The following FILIP1 variants were observed in gnomAD, a reference collection of about 807,000 sequenced individuals.
The protein encoded by FILIP1 is filamin-A-interacting protein 1.
FILIP1 carries 61 observed loss-of-function variants against 102.1 expected under a neutral mutation model. The ratio of observed to expected loss-of-function variants is 0.60; its 90% confidence interval spans 0.49 to 0.74. The LOEUF is 0.74. FILIP1 is among the 30% of genes least tolerant of loss of function. The probability of loss-of-function intolerance (pLI) is 0.00; values close to 1 mark genes in which losing one functional copy is unlikely to be tolerated. For synonymous variants in FILIP1, 491 were observed against 526.9 expected (o/e 0.93, Z 0.93); for missense variants, 1,314 against 1,441.2 (o/e 0.91, Z 1.43).
intron 2 of FILIP1, among the ~76,000 whole-genome samples, chr6:75,379,312 A>C (rs1274563347): frequency 6.6e-6 from 1 of 152,174 alleles, no homozygotes; most frequent in Admixed American, 6.6e-5. Context: ...AGGAATATTG[A>C]CTGGAAGTTG....
chr6:75,482,195 T>C (rs548870976), intron 1 of FILIP1, among the ~76,000 whole-genome samples: 1 of 152,274 alleles, frequency 6.6e-6, no homozygotes, highest in African/African-American at 2.4e-5. Flanking sequence ...GTGATGTAAA[T>C]AATGGCATCA....
intron 4 of FILIP1, among the ~76,000 whole-genome samples, chr6:75,327,044 T>A (rs898928632): frequency 6.6e-6 from 1 of 152,072 alleles, no homozygotes; most frequent in Non-Finnish European, 1.5e-5. Context: ...GTGGACATTG[T>A]CATTCAATTA....
chr6:75,483,007 C>G (rs1024413843), intron 1 of FILIP1, among the ~76,000 whole-genome samples: 1 of 149,524 alleles, frequency 6.7e-6, no homozygotes, highest in Admixed American at 6.9e-5. Context: ...AAGAATCTTT[C>G]ACTTTTTGTT....
downstream of FILIP1, among the ~76,000 whole-genome samples, chr6:75,303,512 C>T (rs1034420336): frequency 6.6e-6 from 1 of 152,174 alleles, no homozygotes; most frequent in Non-Finnish European, 1.5e-5. Flanking sequence ...CACAGCCTAA[C>T]TCTGCCCTTG....
downstream of FILIP1, among the ~76,000 whole-genome samples, chr6:75,303,499 G>T (rs1306102805): frequency 1.3e-5 from 2 of 152,184 alleles, no homozygotes; most frequent in African/African-American, 4.8e-5. Context: ...TGAGGGAAAA[G>T]AGCACAGCCT....
intron 2 of FILIP1, among the ~76,000 whole-genome samples, chr6:75,400,429 G>A (rs1776615854): frequency 2.0e-5 from 3 of 152,128 alleles, no homozygotes. Context: ...ACAAGTACAA[G>A]TCTTGTTAAA....
chr6:75,340,584 C>G (rs765259935), intron 4 of FILIP1, among the ~76,000 whole-genome samples: 2 of 152,166 alleles, frequency 1.3e-5, no homozygotes, highest in Admixed American at 1.3e-4. Context: ...TGTACCAATA[C>G]CATGTTATTT....
In FILIP1 at chr6:75,470,692, C is replaced by A. The variant is rs1178746104; in HGVS notation, c.-7+22722G>T. ...CAAATCAATGAGACTAACTAGCTAT[C>A]CCTTTTTAAAAAATAAAAGTTTGAT... is the stretch of plus-strand genomic sequence containing the variant. On this transcript the variant is annotated intron_variant, in intron 1 of 5. Transcript: ENST00000237172. Among the ~76,000 whole-genome samples, 12 of 152,150 alleles carry A rather than the reference C, an allele frequency of 7.9e-5. No homozygotes were observed. In the East Asian group the frequency reaches 2.3e-3, roughly 29 times the overall value.
At chr6:75,402,215 T>A (rs1776682249) in intron 2 of FILIP1, among the ~76,000 whole-genome samples, 1 of 152,178 alleles carries the variant, frequency 6.6e-6, no homozygotes, top group Admixed American at 6.6e-5. Context: ...CCTAAAAGTA[T>A]TCTGCCTGAA....
At chr6:75,390,034 C>T (rs765215487) in intron 2 of FILIP1, among the ~76,000 whole-genome samples, 2 of 152,110 alleles carry the variant, frequency 1.3e-5, no homozygotes, top group Admixed American at 1.3e-4. Context: ...AATACAGGTC[C>T]ATGGCTCCTA....
At chr6:75,403,360 A>G (rs915281881) in intron 2 of FILIP1, among the ~76,000 whole-genome samples, 2 of 151,808 alleles carry the variant, frequency 1.3e-5, no homozygotes, top group African/African-American at 4.8e-5. Flanking sequence ...CAAAAATTCA[A>G]AAAAATTAGC....
Position 75,314,174 on chromosome 6 carries a change from T to G in FILIP1, c.1658A>C (p.Lys553Thr), listed in dbSNP as rs867165614. ...CATTTCAGATTTTAGTTTTAAAAGT[T>G]TCTTACTTTCTTCAATTAGTTTTTC... ...VTEKLIEESK[K>T]LLKLKSEMEE... is the part of the protein sequence containing the mutation. Residue 553 changes from lysine (K) to threonine (T), a missense_variant, in exon 5 of 6, where the codon AAA becomes ACA. Physicochemically the swap from Lys to Thr is moderately conservative, Grantham distance 78 (BLOSUM62 -1). Transcript: ENST00000237172. The G allele has an allele frequency of 6.5e-7, 1 of 1,547,604 alleles. No individual in the cohort carries two copies. Among genetic ancestry groups the G allele is most frequent in the South Asian group, 1.3e-5 (1 of 79,154 alleles).
chr6:75,431,284 C>G (rs1429784675), intron 1 of FILIP1, among the ~76,000 whole-genome samples: 1 of 152,090 alleles, frequency 6.6e-6, no homozygotes, highest in Admixed American at 6.6e-5. Context: ...TTAAGATGTA[C>G]ATAAACAGTA....
At chr6:75,350,289 G>A (rs945901620) in intron 4 of FILIP1, among the ~76,000 whole-genome samples, 3 of 152,012 alleles carry the variant, frequency 2.0e-5, no homozygotes, top group South Asian at 2.1e-4. Flanking sequence ...AAAATTAAGT[G>A]AGAGTCAAAG....
At chr6:75,401,347 C>T (rs1582450269) in intron 2 of FILIP1, among the ~76,000 whole-genome samples, 1 of 152,076 alleles carries the variant, frequency 6.6e-6, no homozygotes, top group East Asian at 1.9e-4. Context: ...TTGTTTTCTT[C>T]TTTGGCCAGG....
At chr6:75,361,121 A>T (rs1390882511) in intron 3 of FILIP1, among the ~76,000 whole-genome samples, 1 of 152,208 alleles carries the variant, frequency 6.6e-6, no homozygotes, top group African/African-American at 2.4e-5. Context: ...TCAGATTGTT[A>T]AGAGGAGAAA....
rs776423465 is a variant in FILIP1 at position 75,315,065 on chromosome 6, AT to A, written c.766del (p.Met256CysfsTer20). The A allele has an allele frequency of 6.8e-6, 11 of 1,614,002 alleles. No homozygotes were observed. Among genetic ancestry groups the A allele is most frequent in the Non-Finnish European group, 9.3e-6 (11 of 1,180,012 alleles). ...FALMLVDERQ[M>X]HIEQLGLQSQ... Reference sequence around the variant, plus strand: ...TTGCAGGCCAAGTTGTTCAATGTGCATTTGTCTTTCATCCACCAGCATGAGT... The same window carrying A: ...TTGCAGGCCAAGTTGTTCAATGTGCATTGTCTTTCATCCACCAGCATGAGT... On this transcript the variant is annotated frameshift_variant, in exon 5 of 6. Transcript: ENST00000237172. LOFTEE classifies it high-confidence loss of function.
At chr6:75,295,592 C>T (rs1772646809) in exon 7 of FILIP1, 1 of 205,102 alleles carries the variant, frequency 4.9e-6, no homozygotes, top group Non-Finnish European at 9.7e-6. Context: ...AAGGGAAACA[C>T]TTTAGCAAAA....
chr6:75,332,176 T>C (rs1252442859), intron 4 of FILIP1, among the ~76,000 whole-genome samples: 4 of 152,188 alleles, frequency 2.6e-5, no homozygotes, highest in Non-Finnish European at 5.9e-5. Flanking sequence ...AGTAGTCTCA[T>C]GGGCTCTTCT....
Sources: gnomAD v4.1 joint callset for allele counts (sites outside exome capture counted in the v4.1 genomes callset) on GRCh38, gnomAD v4.1.1 for gene constraint, MANE v1.5 for transcripts, NCBI Gene and HGNC (gene_info 2026-07-23, HGNC 2026-07-21) for gene names.